The following TSPAN9 variants were observed in gnomAD, a reference collection of about 807,000 sequenced individuals.
The protein encoded by TSPAN9 is tetraspanin 9.
A neutral mutation model predicts 31.0 loss-of-function variants in TSPAN9; 16 were observed. The observed-to-expected ratio is 0.52, with a 90% CI of 0.35 to 0.78. The LOEUF is 0.78. Ranked by LOEUF, TSPAN9 falls within the 30% of genes least tolerant of loss-of-function variation. The pLI, the probability that TSPAN9 is intolerant of heterozygous loss-of-function variation, is 0.01. For missense variants in TSPAN9, 272 were observed against 312.5 expected (o/e 0.87, Z 0.98); for synonymous variants, 145 against 121.6 (o/e 1.19, Z -1.27).
chr12:3,082,878 G>C (rs1239745335), intron 1 of TSPAN9, among the ~76,000 whole-genome samples: 1 of 152,066 alleles, frequency 6.6e-6, no homozygotes, highest in Non-Finnish European at 1.5e-5. Flanking sequence ...TGTTCTCCTT[G>C]ACCCTGAAAT....
At chr12:3,198,852 AC>A (rs1405752296) in intron 2 of TSPAN9, among the ~76,000 whole-genome samples, 7 of 140,728 alleles carry the variant, frequency 5.0e-5, no homozygotes, top group South Asian at 2.3e-4. Context: ...AGCACAGGTC[AC>A]CACCAGCACA....
chr12:3,168,840 G>T lies in TSPAN9; in HGVS notation c.-17-32337G>T, dbSNP rs1457408305. On this transcript the variant is annotated intron_variant, in intron 2 of 8. Coordinates refer to ENST00000011898, the MANE Select transcript of TSPAN9 (RefSeq NM_006675.5). The surrounding 1 kb of genome is among the most constrained non-coding windows in gnomAD (Gnocchi z 4.0). ...ATGAATGAATCAGATGCGCTGCCTC[G>T]ATGGCCCCGCCTCCCTCCCGGCCAG... Among the ~76,000 whole-genome samples the T allele has an allele frequency of 1.3e-5, 2 of 152,132 alleles. No homozygotes were observed. Among genetic ancestry groups the T allele is most frequent in the African/African-American group, 2.4e-5 (1 of 41,420 alleles).
chr12:3,104,338 CTG>C (rs1282736429), intron 2 of TSPAN9, among the ~76,000 whole-genome samples: 2 of 146,252 alleles, frequency 1.4e-5, no homozygotes, highest in African/African-American at 2.6e-5. Flanking sequence ...GTACTAATAA[CTG>C]TTTTTTTTTT....
At chr12:3,157,475 TGAC>T (rs1305267699) in intron 2 of TSPAN9, among the ~76,000 whole-genome samples, 1 of 152,216 alleles carries the variant, frequency 6.6e-6, no homozygotes, top group Non-Finnish European at 1.5e-5. Context: ...CCTCTGACCT[TGAC>T]GAACCTCATT....
At chr12:3,244,410 C>T (rs552108176) in intron 3 of TSPAN9, among the ~76,000 whole-genome samples, 11 of 152,332 alleles carry the variant, frequency 7.2e-5, no homozygotes, top group African/African-American at 1.4e-4. Flanking sequence ...CCACCCCAGC[C>T]GGAAGGAGGC....
At chr12:3,211,790 A>G in intron 3 of TSPAN9, 6 of 1,597,072 alleles carry the variant, frequency 3.8e-6, no homozygotes, top group Non-Finnish European at 5.1e-6. Context: ...GACCGTGGTG[A>G]TTTTATAGCA....
chr12:3,138,008 C>G (rs2098332898), intron 2 of TSPAN9, among the ~76,000 whole-genome samples: 1 of 152,192 alleles, frequency 6.6e-6, no homozygotes, highest in African/African-American at 2.4e-5. Flanking sequence ...CCGCTGTCCC[C>G]CTCACTGGCT....
intron 1 of TSPAN9, among the ~76,000 whole-genome samples, chr12:3,079,945 A>ATTTTT (rs533753373): frequency 5.0e-5 from 7 of 140,316 alleles, no homozygotes; most frequent in Non-Finnish European, 9.3e-5. Context: ...AATTAAAAAA[A>ATTTTT]TTTTTTTTTT....
At chr12:3,247,792 C>T (rs1035036676) in intron 3 of TSPAN9, among the ~76,000 whole-genome samples, 1 of 152,180 alleles carries the variant, frequency 6.6e-6, no homozygotes, top group South Asian at 2.1e-4. Context: ...TGTGGTTTCC[C>T]TGTCAACATC....
At chr12:3,220,145 CAA>C (rs55735802) in intron 3 of TSPAN9, among the ~76,000 whole-genome samples, 341 of 137,108 alleles carry the variant, frequency 2.5e-3, no homozygotes, top group Middle Eastern at 3.8e-3. Flanking sequence ...AACTCTGTCT[CAA>C]AAAAAAAAAA....
At chr12:3,129,374 G>A (rs928581766) in intron 2 of TSPAN9, among the ~76,000 whole-genome samples, 1 of 152,154 alleles carries the variant, frequency 6.6e-6, no homozygotes, top group African/African-American at 2.4e-5. Context: ...CATTGGATCC[G>A]TCTATCCATC....
chr12:3,276,272 C>T (rs745617662), intron 3 of TSPAN9, among the ~76,000 whole-genome samples: 4 of 152,228 alleles, frequency 2.6e-5, no homozygotes, highest in Non-Finnish European at 5.9e-5. Flanking sequence ...CCAGAGTGAT[C>T]TGCTGAAAAC....
Position 3,156,388 on chromosome 12 carries a change from C to CG in TSPAN9, c.-17-44783dup, listed in dbSNP as rs375640958. ...GAGGGAGGGGCAGCAGGTGGGGAGT[C>CG]GGGGGGCCAGGAGATAGGGTGCTGA... On this transcript the variant is annotated intron_variant, in intron 2 of 8. Coordinates refer to ENST00000011898, the MANE Select transcript of TSPAN9 (RefSeq NM_006675.5). Among the ~76,000 whole-genome samples the CG allele has an allele frequency of 3.3e-5, 5 of 152,126 alleles. No individual in the cohort carries two copies. In the South Asian group the frequency reaches 6.2e-4, roughly 19 times the overall value.
intron 3 of TSPAN9, among the ~76,000 whole-genome samples, chr12:3,217,809 C>T (rs1000101937): frequency 6.6e-6 from 1 of 151,922 alleles, no homozygotes; most frequent in Non-Finnish European, 1.5e-5. Context: ...ATGGGGAAGA[C>T]AGCACGTGCT....
rs11062556 is a variant in TSPAN9 at position 3,186,546 on chromosome 12, T to G, written c.-17-14631T>G. ...TGGAGTGAGTGGGCCAGGAGTTTGT[T>G]TGTGTGTGTGTGTGTGTGTGTGTGT... On this transcript the variant is annotated intron_variant, in intron 2 of 8. Coordinates refer to ENST00000011898, the MANE Select transcript of TSPAN9 (RefSeq NM_006675.5). Among the ~76,000 whole-genome samples, 425 of 135,974 alleles carry G rather than the reference T, an allele frequency of 3.1e-3. 2 individuals are homozygous for G. The highest frequency in any genetic ancestry group is 5.2e-3 in the South Asian group (22 of 4,264). 89.2% of individuals were successfully genotyped at this position (135,974 alleles called of 152,430 possible).
chr12:3,230,387 T>G lies in TSPAN9; in HGVS notation c.63+29131T>G, dbSNP rs531041844. On this transcript the variant is annotated intron_variant, in intron 3 of 8. Transcript: ENST00000011898. ...CACAGCCAGGCTTCCCCCTCCCTTG[T>G]GAGCCTGACTCCCCTGCCTGCATCT... 2.6e-5 allele frequency among the ~76,000 whole-genome samples: 4 copies of G among 152,246 alleles called. No individual in the cohort carries two copies. The East Asian group carries it at 7.7e-4, about 29-fold the overall frequency.
At chr12:3,200,950 G>C (rs2098371203) in intron 2 of TSPAN9, 1 of 475,336 alleles carries the variant, frequency 2.1e-6, no homozygotes, top group Non-Finnish European at 3.7e-6. Flanking sequence ...AGGATTCTTC[G>C]ATCCATCGGA....
Position 3,105,870 on chromosome 12 carries a change from TCACA to T in TSPAN9, c.-18+22158_-18+22161del, listed in dbSNP as rs749390224. Reference sequence around the variant, plus strand: ...CTCACACACGTTCACACACACACGCTCACACACACATGCACACATGGTCACGGGC... The same window carrying T: ...CTCACACACGTTCACACACACACGCTCACACATGCACACATGGTCACGGGC... On this transcript the variant is annotated intron_variant, in intron 2 of 8. Coordinates refer to ENST00000011898, the MANE Select transcript of TSPAN9 (RefSeq NM_006675.5). 4.9e-5 allele frequency among the ~76,000 whole-genome samples: 7 copies of T among 142,762 alleles called. No homozygotes were observed. The South Asian group carries it at 6.5e-4, about 13-fold the overall frequency. The allele number at this position is 142,762 out of a possible 152,430, so 93.7% of individuals were successfully genotyped here. A position where few individuals can be genotyped will look rare whatever the true frequency, so the allele number is the denominator to read the frequency against.
At chr12:3,162,339 C>A (rs1273533919) in intron 2 of TSPAN9, among the ~76,000 whole-genome samples, 1 of 152,182 alleles carries the variant, frequency 6.6e-6, no homozygotes, top group African/African-American at 2.4e-5. Context: ...TTTATAACAA[C>A]ACAAAACAGA....
Sources: gnomAD v4.1 joint callset for allele counts (sites outside exome capture counted in the v4.1 genomes callset) on GRCh38, gnomAD v4.1.1 for gene constraint, Gnocchi (gnomAD v3.1) non-coding constraint, MANE v1.5 for transcripts, NCBI Gene and HGNC (gene_info 2026-07-23, HGNC 2026-07-21) for gene names.